COL4A6: variants seen among roughly 807,000 people sequenced by gnomAD.
The protein encoded by COL4A6 is collagen type IV alpha 6 chain.
A neutral mutation model predicts 126.7 loss-of-function variants in COL4A6; 59 were observed. The observed-to-expected ratio is 0.47, with a 90% confidence interval of 0.38 to 0.58. COL4A6 has a LOEUF of 0.58. COL4A6 is among the 20% of genes least tolerant of loss of function. The pLI, the probability that COL4A6 is intolerant of heterozygous loss-of-function variation, is 0.00. For synonymous variants in COL4A6, 547 were observed against 496.6 expected (o/e 1.10, Z -1.35); for missense variants, 1,285 against 1,337.3 (o/e 0.96, Z 0.61).
In COL4A6 at chrX:108,405,309, G is replaced by GTACCTCAGCCTCCCCAGTT. The variant is rs2041183438; in HGVS notation, c.63+32632_63+32633insAACTGGGGAGGCTGAGGTA. Among the ~76,000 whole-genome samples, 5 of 108,876 alleles carry GTACCTCAGCCTCCCCAGTT rather than the reference G, an allele frequency of 4.6e-5. No homozygotes were observed. The South Asian group carries it at 2.0e-3, about 44-fold the overall frequency. The allele number at this position is 108,876 out of a possible 115,157, so 94.5% of individuals were successfully genotyped here. A position where few individuals can be genotyped will look rare whatever the true frequency, so the allele number is the denominator to read the frequency against. ...TGCCTCCCGGGTTCAAGTGATTCCC[G>GTACCTCAGCCTCCCCAGTT]TACCTCAGCCTCCCCAGTAGCTGGG... On this transcript the variant is annotated intron_variant, in intron 2 of 44. Coordinates refer to ENST00000334504, the MANE Select transcript of COL4A6 (RefSeq NM_033641.4).
At position 108,204,700 on chromosome X, in the gene COL4A6, G is replaced by A. The variant is rs760947055; in HGVS notation, c.688-288C>T. The stretch of plus-strand genomic sequence containing the variant: ...GGATGTTTAGAAGAGATTAAAAAAG[G>A]AATCAGAACGAGGTGAATGGCTACC... On this transcript the variant is annotated intron_variant, in intron 11 of 44. Coordinates refer to ENST00000334504, the MANE Select transcript of COL4A6 (RefSeq NM_033641.4). The A allele has an allele frequency of 1.1e-5, 4 of 364,869 alleles. No homozygotes were observed. The South Asian group carries it at 1.5e-4, about 13-fold the overall frequency. 30.1% of individuals were successfully genotyped at this position (364,869 alleles called of 1,213,427 possible). A position where few individuals can be genotyped will look rare whatever the true frequency, so the allele number is the denominator to read the frequency against.
intron 2 of COL4A6, among the ~76,000 whole-genome samples, chrX:108,320,935 C>T (rs1242990141): frequency 8.9e-6 from 1 of 111,928 alleles, no homozygotes; most frequent in East Asian, 2.8e-4. Flanking sequence ...TTTATATCTT[C>T]ACCTACCCTC....
At chrX:108,260,427 T>C (rs2037130795) in intron 3 of COL4A6, among the ~76,000 whole-genome samples, 1 of 111,784 alleles carries the variant, frequency 8.9e-6, no homozygotes, top group African/African-American at 3.2e-5. Flanking sequence ...CCTCGTGCTG[T>C]GGGAGGGACC....
intron 2 of COL4A6, among the ~76,000 whole-genome samples, chrX:108,376,361 G>A (rs1416020232): frequency 2.7e-5 from 3 of 110,256 alleles, no homozygotes; most frequent in Non-Finnish European, 3.8e-5. Context: ...TTGGGAGGCC[G>A]AGGTGGATGG....
chrX:108,307,124 G>T (rs1395376058), intron 3 of COL4A6, among the ~76,000 whole-genome samples: 2 of 110,501 alleles, frequency 1.8e-5, no homozygotes, highest in African/African-American at 3.3e-5. Flanking sequence ...AAAAATACCA[G>T]GGAAGAGAAC....
At chrX:108,204,510 G>A (rs776197767) in intron 11 of COL4A6, 98 bp from the exon 12 acceptor site, 2 of 759,210 alleles carry the variant, frequency 2.6e-6, no homozygotes, top group African/African-American at 2.1e-5. Context: ...CAAATAAACT[G>A]TCTCTTACTT....
intron 31 of COL4A6, 147 bp from the exon 32 acceptor site, chrX:108,172,679 T>C: frequency 2.5e-6 from 1 of 405,241 alleles, no homozygotes. Flanking sequence ...GAAGTGGGGA[T>C]GTTATGTCCT....
rs180970325 is a variant in COL4A6, at chrX:108,390,589, T to G, written c.63+47353A>C. On this transcript the variant is annotated intron_variant, in intron 2 of 44. Transcript: ENST00000334504. The stretch of plus-strand genomic sequence containing the variant: ...TGTTTTTCAGCTCCATTGGGTCATT[T>G]ATGTCTTCTCTAAACTGGTTATTCT... 2.5e-4 allele frequency among the ~76,000 whole-genome samples: 27 copies of G among 109,750 alleles called. No individual in the cohort carries two copies. The Admixed American group carries it at 2.6e-3, about 10-fold the overall frequency.
intron 2 of COL4A6, among the ~76,000 whole-genome samples, chrX:108,414,708 C>T (rs1416040133): frequency 1.8e-5 from 2 of 110,612 alleles, no homozygotes; most frequent in Admixed American, 1.9e-4. Context: ...GGAAGGATCA[C>T]TTGAGCCTGG....
chrX:108,162,463 AGAAGAAGAAGAAGAG>A (rs889222115), intron 41 of COL4A6, among the ~76,000 whole-genome samples: 4 of 111,274 alleles, frequency 3.6e-5, no homozygotes, highest in African/African-American at 9.8e-5. Context: ...GAAAAGAAGA[AGAAGAAGAAGAAGAG>A]GAAGAAGAAG....
upstream of COL4A6, chrX:108,439,373 T>A: frequency 1.2e-6 from 1 of 815,948 alleles, no homozygotes; most frequent in Non-Finnish European, 1.7e-6. Context: ...TATAAGCATA[T>A]ACTTTATTTA....
At chrX:108,425,939 A>G (rs1161222082) in intron 2 of COL4A6, among the ~76,000 whole-genome samples, 1 of 111,316 alleles carries the variant, frequency 9.0e-6, no homozygotes, top group Non-Finnish European at 1.9e-5. Context: ...ATTTTGAAAA[A>G]TGTTCTAATA....
chrX:108,174,550 T>G lies in COL4A6; in HGVS notation c.3028A>C (p.Lys1010Gln), dbSNP rs746055831. ...GGCCCTGGCTTTCCACTAACTCCTT[T>G]GATAATGCCTGGGAGGCCAGGAGCT... ...PGAPGLPGIIKGVSGKPGPPG... is the reference protein window; with the variant it reads ...PGAPGLPGIIQGVSGKPGPPG... The change falls in exon 31 of 45, where the codon AAA becomes CAA. Residue 1010 changes from lysine to glutamine, a missense_variant. Lys to Gln is a moderately conservative substitution (Grantham distance 53). Coordinates refer to ENST00000334504, the MANE Select transcript of COL4A6 (RefSeq NM_033641.4). 7 of 1,208,294 alleles carry G rather than the reference T, an allele frequency of 5.8e-6. No homozygotes were observed. In the East Asian group the frequency reaches 2.1e-4, roughly 36 times the overall value.
At chrX:108,184,952 T>C (rs1569338710) in intron 23 of COL4A6, among the ~76,000 whole-genome samples, 1 of 112,377 alleles carries the variant, frequency 8.9e-6, no homozygotes, top group Non-Finnish European at 1.9e-5. Flanking sequence ...TAAAACCTTG[T>C]TGCTTGCAAA....
intron 2 of COL4A6, among the ~76,000 whole-genome samples, chrX:108,313,875 T>C (rs901138346): frequency 7.2e-5 from 8 of 111,586 alleles, no homozygotes; most frequent in Non-Finnish European, 1.5e-4. Context: ...ATGATTCAAG[T>C]ATCATGAATG....
chrX:108,389,146 A>C, intron 2 of COL4A6, among the ~76,000 whole-genome samples: 1 of 111,856 alleles, frequency 8.9e-6, no homozygotes, highest in Non-Finnish European at 1.9e-5. Context: ...TTATGTAGTC[A>C]ATTTTAGAAT....
intron 2 of COL4A6, among the ~76,000 whole-genome samples, chrX:108,400,675 T>C (rs1003267732): frequency 9.0e-6 from 1 of 111,348 alleles, no homozygotes; most frequent in African/African-American, 3.3e-5. Flanking sequence ...GGCCCATGTA[T>C]GTATGTATGT....
intron 2 of COL4A6, among the ~76,000 whole-genome samples, chrX:108,393,004 T>G (rs1233362338): frequency 8.9e-6 from 1 of 112,022 alleles, no homozygotes; most frequent in South Asian, 3.7e-4. Flanking sequence ...GACAAAGATA[T>G]GAGAAACTGA....
intron 2 of COL4A6, among the ~76,000 whole-genome samples, chrX:108,373,810 A>G (rs2040377756): frequency 8.9e-6 from 1 of 112,260 alleles, no homozygotes; most frequent in African/African-American, 3.2e-5. Context: ...ACAGATTTCT[A>G]TAACTAGCTT....
Sources: gnomAD v4.1 joint callset for allele counts (sites outside exome capture counted in the v4.1 genomes callset) on GRCh38, gnomAD v4.1.1 for gene constraint, MANE v1.5 for transcripts, NCBI Gene and HGNC (gene_info 2026-07-23, HGNC 2026-07-21) for gene names.